FGF12: variants seen among roughly 807,000 people sequenced by gnomAD.
FGF12 encodes fibroblast growth factor 12.
Under a neutral mutation model 23.6 loss-of-function variants are expected in FGF12, and 14 were observed. That is an observed-to-expected ratio of 0.59 (90% CI 0.39 to 0.93). FGF12 has a LOEUF of 0.93. Ranked by LOEUF, FGF12 falls within the 40% of genes least tolerant of loss-of-function variation. The pLI is 0.00. For synonymous variants in FGF12, 62 were observed against 77.3 expected, an observed-to-expected ratio of 0.80 and a Z score of 1.04; for missense variants, 175 against 217.8, an observed-to-expected ratio of 0.80 and a Z score of 1.24.
rs561046566 is a variant in FGF12 at position 192,444,024 on chromosome 3, G to A, written c.14-83486C>T. Among the ~76,000 whole-genome samples, 7 of 152,278 alleles carry A rather than the reference G, an allele frequency of 4.6e-5. No homozygotes were observed. In the South Asian group the frequency reaches 6.2e-4, roughly 14 times the overall value. ...CAGGACCATGGATTCTCAGAGTTCC[G>A]GAAGTCCCTATAGTGCCATAATAAA... On this transcript the variant is annotated intron_variant, in intron 2 of 5. Transcript: ENST00000445105.
At chr3:192,686,815 ATTTTTTTTTTTTTT>A (rs57045697) in intron 2 of FGF12, among the ~76,000 whole-genome samples, 51 of 61,486 alleles carry the variant, frequency 8.3e-4, no homozygotes, top group African/African-American at 3.5e-3. Context: ...TTTTTCTCTA[ATTTTTTTTTTTTTT>A]TTTTTTTTTT....
At chr3:192,325,937 T>C (rs992129542) in intron 4 of FGF12, among the ~76,000 whole-genome samples, 2 of 152,080 alleles carry the variant, frequency 1.3e-5, no homozygotes, top group African/African-American at 2.4e-5. Context: ...TACTCAAAAG[T>C]GAACTAGTCA....
At chr3:192,441,735 C>T (rs1722206789) in intron 2 of FGF12, among the ~76,000 whole-genome samples, 1 of 152,182 alleles carries the variant, frequency 6.6e-6, no homozygotes, top group Admixed American at 6.5e-5. Context: ...AATTGTTTAA[C>T]AAGTGAGTCC....
intron 2 of FGF12, among the ~76,000 whole-genome samples, chr3:192,524,000 A>C (rs1279395216): frequency 6.6e-6 from 1 of 152,220 alleles, no homozygotes; most frequent in South Asian, 2.1e-4. Flanking sequence ...TTAGGGAATA[A>C]AATTTTAACA....
intron 2 of FGF12, among the ~76,000 whole-genome samples, chr3:192,454,340 ATC>A (rs376556340): frequency 6.6e-6 from 1 of 152,262 alleles, no homozygotes; most frequent in African/African-American, 2.4e-5. Flanking sequence ...GCCAGCCTAC[ATC>A]TCTCTTAACA....
intron 2 of FGF12, among the ~76,000 whole-genome samples, chr3:192,636,571 A>G (rs1302767622): frequency 6.6e-6 from 1 of 152,238 alleles, no homozygotes; most frequent in Non-Finnish European, 1.5e-5. Context: ...AGTCAAGGAT[A>G]TGACAGTGTC....
At chr3:192,574,995 T>A (rs1167112469) in intron 2 of FGF12, among the ~76,000 whole-genome samples, 1 of 152,214 alleles carries the variant, frequency 6.6e-6, no homozygotes, top group Admixed American at 6.5e-5. Context: ...TACACATCCA[T>A]GAACAGATAA....
chr3:192,183,154 T>C lies in FGF12; in HGVS notation c.229-12498A>G, dbSNP rs75632911. Among the ~76,000 whole-genome samples the C allele has an allele frequency of 3.3e-3, 504 of 152,192 alleles. 8 individuals are homozygous for C. Among genetic ancestry groups the C allele is most frequent in the East Asian group, 0.031 (161 of 5,178 alleles). Reference sequence around the variant, plus strand: ...TATTGATGTGAGTACAGCAGACACCTCAAATCCTTTTTATGGATCTGGAGA... The same window carrying C: ...TATTGATGTGAGTACAGCAGACACCCCAAATCCTTTTTATGGATCTGGAGA... On this transcript the variant is annotated intron_variant, in intron 4 of 5. Coordinates refer to ENST00000445105, the MANE Select transcript of FGF12 (RefSeq NM_004113.6).
At chr3:192,312,745 TCA>T (rs1716023346) in intron 4 of FGF12, among the ~76,000 whole-genome samples, 1 of 116,598 alleles carries the variant, frequency 8.6e-6, no homozygotes, top group African/African-American at 4.6e-5. Context: ...AGACTCGGTC[TCA>T]AAAAAAAAAA....
intron 2 of FGF12, among the ~76,000 whole-genome samples, chr3:192,449,936 T>C (rs569024439): frequency 6.6e-6 from 1 of 152,318 alleles, no homozygotes; most frequent in East Asian, 1.9e-4. Context: ...TCCTATAGAA[T>C]TCTTTGTACT....
intron 4 of FGF12, among the ~76,000 whole-genome samples, chr3:192,287,210 C>T (rs576186414): frequency 6.6e-6 from 1 of 152,040 alleles, no homozygotes; most frequent in East Asian, 1.9e-4. Flanking sequence ...ATGAACCATC[C>T]TTTATTTACT....
chr3:192,687,740 C>G (rs1488846112), intron 2 of FGF12, among the ~76,000 whole-genome samples: 1 of 152,094 alleles, frequency 6.6e-6, no homozygotes, highest in Non-Finnish European at 1.5e-5. Flanking sequence ...AGAACTGGCC[C>G]TTGCAGCTGC....
intron 2 of FGF12, among the ~76,000 whole-genome samples, chr3:192,506,637 C>T (rs944695745): frequency 6.6e-6 from 1 of 152,122 alleles, no homozygotes; most frequent in African/African-American, 2.4e-5. Context: ...CTCCCAAAGT[C>T]CTTGGATTAC....
chr3:192,404,650 T>C (rs1006940150), intron 2 of FGF12, among the ~76,000 whole-genome samples: 1 of 152,214 alleles, frequency 6.6e-6, no homozygotes, highest in Non-Finnish European at 1.5e-5. Flanking sequence ...TCTTTTCTCA[T>C]TAGAAAGTGC....
At chr3:192,191,547 T>C (rs1486014902) in intron 4 of FGF12, among the ~76,000 whole-genome samples, 1 of 152,142 alleles carries the variant, frequency 6.6e-6, no homozygotes, top group East Asian at 1.9e-4. Context: ...CTAAAAATAG[T>C]CTTTAAGGCC....
At chr3:192,162,438 G>A (rs1714936564) in intron 5 of FGF12, among the ~76,000 whole-genome samples, 1 of 152,078 alleles carries the variant, frequency 6.6e-6, no homozygotes, top group Admixed American at 6.6e-5. Context: ...CAAAGAGAGA[G>A]AAAGAGGAAG....
chr3:192,522,164 C>A (rs7613391), intron 2 of FGF12, among the ~76,000 whole-genome samples: 1 of 148,460 alleles, frequency 6.7e-6, no homozygotes, highest in East Asian at 2.0e-4. Flanking sequence ...CGCCACTGCA[C>A]TCCAGCCTGG....
chr3:192,378,163 T>G (rs1719654493), intron 2 of FGF12, among the ~76,000 whole-genome samples: 1 of 148,314 alleles, frequency 6.7e-6, no homozygotes, highest in Admixed American at 6.7e-5. Context: ...CAGGCTGGAG[T>G]GTAGTGGTGA....
intron 4 of FGF12, among the ~76,000 whole-genome samples, chr3:192,175,296 T>C (rs1015768818): frequency 1.3e-5 from 2 of 152,198 alleles, no homozygotes; most frequent in Non-Finnish European, 2.9e-5. Context: ...TTTGTTTCTT[T>C]CGTAAGACTA....
Sources: gnomAD v4.1 joint callset for allele counts (sites outside exome capture counted in the v4.1 genomes callset) on GRCh38, gnomAD v4.1.1 for gene constraint, MANE v1.5 for transcripts, NCBI Gene and HGNC (gene_info 2026-07-23, HGNC 2026-07-21) for gene names.